Variants in ADAMTS9 observed in about 807,000 individuals in gnomAD.
The protein encoded by ADAMTS9 is A disintegrin and metalloproteinase with thrombospondin motifs 9.
A neutral mutation model predicts 257.1 loss-of-function variants in ADAMTS9; 107 were observed. The observed-to-expected ratio is 0.42, with a 90% confidence interval of 0.36 to 0.49. The LOEUF is 0.49. ADAMTS9 is among the 20% of genes least tolerant of loss of function. ADAMTS9 has a pLI of 0.03. For synonymous variants in ADAMTS9, 982 were observed against 880.9 expected (o/e 1.11, Z -2.03); for missense variants, 2,353 against 2,469.1 (o/e 0.95, Z 1.00).
intron 38 of ADAMTS9, among the ~76,000 whole-genome samples, chr3:64,528,376 A>C (rs2082935736): frequency 6.6e-6 from 1 of 152,160 alleles, no homozygotes; most frequent in Non-Finnish European, 1.5e-5. Context: ...GAGGAGCTTG[A>C]AATTCTGACA....
At chr3:64,621,303 C>A (rs563671618) in intron 18 of ADAMTS9, 63 bp from the exon 19 acceptor site, 1 of 1,520,486 alleles carries the variant, frequency 6.6e-7, no homozygotes, top group Admixed American at 2.0e-5. Flanking sequence ...CTATTTAGAC[C>A]CCGGATTGGC....
In ADAMTS9 at chr3:64,634,023, C is replaced by T. The variant is rs1368486362; in HGVS notation, c.1857-144G>A. 4 of 755,394 alleles carry T rather than the reference C, an allele frequency of 5.3e-6. No homozygotes were observed. The South Asian group carries it at 7.5e-5, about 14-fold the overall frequency. 46.8% of individuals were successfully genotyped at this position (755,394 alleles called of 1,614,324 possible). A position where few individuals can be genotyped will look rare whatever the true frequency, so the allele number is the denominator to read the frequency against. On this transcript the variant is annotated intron_variant, in intron 12 of 39. Coordinates refer to ENST00000498707, the MANE Select transcript of ADAMTS9 (RefSeq NM_182920.2). ...CAGAGGAATGGGCAAGAGCTCTGAT[C>T]CCTGGTTTTGCATCCTGCCTTCAAT...
chr3:64,604,100 G>C lies in ADAMTS9; in HGVS notation c.3580-11C>G. 3 of 1,613,810 alleles carry C rather than the reference G, an allele frequency of 1.9e-6. No individual in the cohort carries two copies. The highest frequency in any genetic ancestry group is 2.5e-6 in the Non-Finnish European group (3 of 1,179,850). Reference sequence around the variant, plus strand: ...ACAAGTGGCTGAGCACTGGGTGTTGGAGTAAAATCATGCAGTTATATTACG... The same window carrying C: ...ACAAGTGGCTGAGCACTGGGTGTTGCAGTAAAATCATGCAGTTATATTACG... On this transcript the variant is annotated splice_polypyrimidine_tract_variant and intron_variant, in intron 24 of 39. Coordinates refer to ENST00000498707, the MANE Select transcript of ADAMTS9 (RefSeq NM_182920.2).
intron 28 of ADAMTS9, among the ~76,000 whole-genome samples, chr3:64,594,006 T>G (rs2084312900): frequency 6.6e-6 from 1 of 150,754 alleles, no homozygotes; most frequent in African/African-American, 2.5e-5. Context: ...TGTGTGTATT[T>G]AGGCTAAGAA....
rs1190182094 is a variant in ADAMTS9 at position 64,542,253 on chromosome 3, T to C, written c.5065-283A>G. Among the ~76,000 whole-genome samples the C allele has an allele frequency of 2.6e-5, 4 of 152,020 alleles. No individual in the cohort carries two copies. In the East Asian group the frequency reaches 7.7e-4, roughly 29 times the overall value. On this transcript the variant is annotated intron_variant, in intron 32 of 39. Transcript: ENST00000498707. ...CACACACACACACATAATTTTTTCA[T>C]TTAAGCCTCACAGTACCCCTATGAG... is the stretch of plus-strand genomic sequence containing the variant.
In ADAMTS9 at chr3:64,551,680, T is replaced by C. The variant is rs189816908; in HGVS notation, c.4699-618A>G. 3.0e-4 allele frequency among the ~76,000 whole-genome samples: 46 copies of C among 152,356 alleles called. No homozygotes were observed. The East Asian group carries it at 8.1e-3, about 27-fold the overall frequency. ...ACAAGTGACTTGATATTGACACTTA[T>C]GGCCAAATGTTTACCAAGCTGGTGT... On this transcript the variant is annotated intron_variant, in intron 30 of 39. Transcript: ENST00000498707.
intron 11 of ADAMTS9, among the ~76,000 whole-genome samples, chr3:64,643,669 T>C (rs1290133179): frequency 6.6e-6 from 1 of 151,966 alleles, no homozygotes. Flanking sequence ...CTTAGTATGT[T>C]GCCCAGGCTA....
intron 28 of ADAMTS9, among the ~76,000 whole-genome samples, chr3:64,579,074 A>G (rs1252599113): frequency 6.6e-6 from 1 of 152,124 alleles, no homozygotes; most frequent in Non-Finnish European, 1.5e-5. Context: ...CAAAGTGAAA[A>G]CAAAAACTCC....
chr3:64,680,993 T>C (rs1310329504), intron 3 of ADAMTS9, among the ~76,000 whole-genome samples: 2 of 152,208 alleles, frequency 1.3e-5, no homozygotes, highest in African/African-American at 4.8e-5. Context: ...TATAACTTCT[T>C]AGCTGTGCAC....
At chr3:64,634,706 G>C (rs559019898) in intron 12 of ADAMTS9, among the ~76,000 whole-genome samples, 14 of 152,224 alleles carry the variant, frequency 9.2e-5, no homozygotes, top group Admixed American at 5.2e-4. Context: ...AGGACGTTGG[G>C]GCTCACTCAC....
intron 10 of ADAMTS9, among the ~76,000 whole-genome samples, chr3:64,648,916 TTTG>T (rs1360879088): frequency 1.3e-5 from 2 of 152,112 alleles, no homozygotes; most frequent in Non-Finnish European, 2.9e-5. Flanking sequence ...TACTCAAAAT[TTTG>T]TTATTATTTC....
In ADAMTS9 at chr3:64,658,505, T is replaced by G. The variant is rs145782604; in HGVS notation, c.966A>C (p.Ser322=). The G allele has an allele frequency of 2.1e-5, 33 of 1,609,578 alleles. No individual in the cohort carries two copies. The African/African-American group carries it at 3.6e-4, about 18-fold the overall frequency. ...NLQHYILTLM[S]IVASIYKDPS... ...ACCTTCGTTTGAATGTACTTACAAT[T>G]GACATTAAAGTTAAAATATAGTGTT... Residue 322 remains serine, a synonymous_variant, in exon 4 of 40, where the codon TCA becomes TCC. Transcript: ENST00000498707.
chr3:64,558,188 G>A (rs1357673733), intron 30 of ADAMTS9, among the ~76,000 whole-genome samples: 2 of 152,306 alleles, frequency 1.3e-5, no homozygotes, highest in Non-Finnish European at 2.9e-5. Flanking sequence ...TTTGGCATCG[G>A]ATTAGTGAAG....
chr3:64,615,827 G>T, intron 20 of ADAMTS9, 133 bp downstream of exon 20: 1 of 1,053,012 alleles, frequency 9.5e-7, no homozygotes. Flanking sequence ...AAGCTTGAAT[G>T]GGGTCAGGCA....
intron 11 of ADAMTS9, among the ~76,000 whole-genome samples, chr3:64,647,003 G>A (rs1488335289): frequency 9.2e-5 from 14 of 152,094 alleles, no homozygotes; most frequent in Admixed American, 9.2e-4. Flanking sequence ...AACATTCTGG[G>A]TGCTACCAAT....
chr3:64,532,767 T>C (rs1314365425), intron 38 of ADAMTS9, among the ~76,000 whole-genome samples: 1 of 152,196 alleles, frequency 6.6e-6, no homozygotes, highest in Non-Finnish European at 1.5e-5. Flanking sequence ...GCTCCATCTG[T>C]ATTTCAATTT....
intron 12 of ADAMTS9, among the ~76,000 whole-genome samples, chr3:64,636,011 G>A (rs1252921696): frequency 1.3e-5 from 2 of 152,128 alleles, no homozygotes; most frequent in African/African-American, 4.8e-5. Flanking sequence ...GCTGACTATG[G>A]TGGATCAATC....
At position 64,679,049 on chromosome 3, in the gene ADAMTS9, C is replaced by T. The variant is rs537915367; in HGVS notation, c.679+2152G>A. ...TAATTAAAGGCCCCAACCTTAATAA[C>T]GACTGGAACCAAAATAGACTTTTAT... On this transcript the variant is annotated intron_variant, in intron 3 of 39. Coordinates refer to ENST00000498707, the MANE Select transcript of ADAMTS9 (RefSeq NM_182920.2). Among the ~76,000 whole-genome samples, 10 of 152,228 alleles carry T rather than the reference C, an allele frequency of 6.6e-5. No homozygotes were observed. The East Asian group carries it at 1.2e-3, about 18-fold the overall frequency.
intron 30 of ADAMTS9, among the ~76,000 whole-genome samples, chr3:64,555,800 G>A (rs751997373): frequency 2.0e-5 from 3 of 152,158 alleles, no homozygotes; most frequent in Non-Finnish European, 4.4e-5. Flanking sequence ...GGCTGGAGGT[G>A]AGAAATGGCA....
Sources: gnomAD v4.1 joint callset for allele counts (sites outside exome capture counted in the v4.1 genomes callset) on GRCh38, gnomAD v4.1.1 for gene constraint, MANE v1.5 for transcripts, NCBI Gene and HGNC (gene_info 2026-07-23, HGNC 2026-07-21) for gene names.